The following GMDS variants were observed in gnomAD, a reference collection of about 807,000 sequenced individuals.
The protein encoded by GMDS is GDP-mannose 4,6-dehydratase.
A neutral mutation model predicts 49.9 loss-of-function variants in GMDS; 20 were observed. The ratio of observed to expected loss-of-function variants is 0.40; its 90% CI spans 0.28 to 0.58. The LOEUF is 0.58. Ranked by LOEUF, GMDS falls within the 20% of genes least tolerant of loss-of-function variation. The pLI is 0.42. For missense variants in GMDS, 362 were observed against 481.4 expected, an observed-to-expected ratio of 0.75 and a Z score of 2.32; for synonymous variants, 177 against 178.6, an observed-to-expected ratio of 0.99 and a Z score of 0.07.
At chr6:2,125,640 A>C (rs1562078697) in intron 1 of GMDS, among the ~76,000 whole-genome samples, 1 of 152,032 alleles carries the variant, frequency 6.6e-6, no homozygotes. Flanking sequence ...ATAAGATGGG[A>C]ACTAGGTGGG....
intron 7 of GMDS, among the ~76,000 whole-genome samples, chr6:1,786,676 C>A (rs368504818): frequency 6.6e-6 from 1 of 152,164 alleles, no homozygotes; most frequent in Non-Finnish European, 1.5e-5. Flanking sequence ...AAGCTCGAAG[C>A]AATGCTGCCC....
intron 7 of GMDS, among the ~76,000 whole-genome samples, chr6:1,842,553 G>C (rs1440245818): frequency 1.3e-5 from 2 of 152,228 alleles, no homozygotes; most frequent in African/African-American, 2.4e-5. Context: ...CCAGTCTGGG[G>C]ATGATGTCAA....
At chr6:1,900,784 C>T (rs576810647) in intron 7 of GMDS, among the ~76,000 whole-genome samples, 2 of 152,316 alleles carry the variant, frequency 1.3e-5, no homozygotes, top group East Asian at 3.9e-4. Context: ...GTCTTCATTT[C>T]CACATCTAAT....
intron 4 of GMDS, among the ~76,000 whole-genome samples, chr6:2,061,576 G>A (rs1316021308): frequency 7.2e-5 from 11 of 151,786 alleles, no homozygotes; most frequent in Admixed American, 2.0e-4. Context: ...AAAACTAGCC[G>A]GGCATGGTGG....
intron 6 of GMDS, among the ~76,000 whole-genome samples, chr6:1,941,389 G>T (rs1256715964): frequency 6.6e-6 from 1 of 152,214 alleles, no homozygotes; most frequent in East Asian, 1.9e-4. Context: ...GCCAGATGAG[G>T]AGGAAGCAGT....
At chr6:1,652,563 TTA>T (rs1763714293) in intron 9 of GMDS, among the ~76,000 whole-genome samples, 1 of 16,628 alleles carries the variant, frequency 6.0e-5, no homozygotes. Flanking sequence ...ATTATATATA[TTA>T]TATATAATAT....
intron 4 of GMDS, among the ~76,000 whole-genome samples, chr6:2,088,768 A>G (rs1773153415): frequency 2.0e-5 from 3 of 152,138 alleles, no homozygotes; most frequent in African/African-American, 4.8e-5. Flanking sequence ...CTTTCCCTAT[A>G]TCCCACCACC....
At chr6:1,734,196 T>C (rs764322958) in intron 8 of GMDS, among the ~76,000 whole-genome samples, 24 of 152,190 alleles carry the variant, frequency 1.6e-4, no homozygotes, top group African/African-American at 5.3e-4. Context: ...ATCTTATTTA[T>C]GATAATTATT....
In GMDS at chr6:1,778,845, GT is replaced by G. The variant is rs200263913; in HGVS notation, c.772-36260del. On this transcript the variant is annotated intron_variant, in intron 7 of 10. Coordinates refer to ENST00000380815, the MANE Select transcript of GMDS (RefSeq NM_001500.4). The surrounding 1 kb of genome is among the most constrained non-coding windows in gnomAD (Gnocchi z 4.6). Reference sequence around the variant, plus strand: ...AGAACTTGGCCCCTTGCATTTTCTTGTTTTTTTTTTCTCTTATAGCAGAAAT... The same window carrying G: ...AGAACTTGGCCCCTTGCATTTTCTTGTTTTTTTTTCTCTTATAGCAGAAAT... 1.3e-3 allele frequency among the ~76,000 whole-genome samples: 198 copies of G among 149,300 alleles called. 1 individual carries two copies. The East Asian group carries it at 0.014, about 11-fold the overall frequency.
intron 1 of GMDS, among the ~76,000 whole-genome samples, chr6:2,149,402 G>A (rs1776734488): frequency 6.6e-6 from 1 of 152,052 alleles, no homozygotes; most frequent in African/African-American, 2.4e-5. Context: ...GAAATCCTGG[G>A]TGGACAATTT....
At chr6:2,063,570 T>C (rs763441486) in intron 4 of GMDS, among the ~76,000 whole-genome samples, 2 of 152,240 alleles carry the variant, frequency 1.3e-5, no homozygotes, top group Admixed American at 6.5e-5. Context: ...AATGTTAATA[T>C]GTAAAATGTT....
At chr6:1,673,719 G>A (rs1296946350) in intron 9 of GMDS, among the ~76,000 whole-genome samples, 2 of 151,974 alleles carry the variant, frequency 1.3e-5, no homozygotes, top group Non-Finnish European at 2.9e-5. Flanking sequence ...TGGACCCTGG[G>A]CAAACACTGA....
chr6:2,231,409 C>T (rs928469650), intron 1 of GMDS, among the ~76,000 whole-genome samples: 2 of 151,906 alleles, frequency 1.3e-5, no homozygotes, highest in Non-Finnish European at 2.9e-5. Context: ...AAGAAAAATA[C>T]AAAAAGTAGC....
chr6:2,171,965 C>T (rs1354961587), intron 1 of GMDS, among the ~76,000 whole-genome samples: 1 of 152,042 alleles, frequency 6.6e-6, no homozygotes, highest in Non-Finnish European at 1.5e-5. Context: ...CTCACGTGGC[C>T]GGCTAATCTG....
intron 1 of GMDS, among the ~76,000 whole-genome samples, chr6:2,220,521 G>A (rs1480234622): frequency 1.3e-5 from 2 of 152,182 alleles, no homozygotes; most frequent in Non-Finnish European, 2.9e-5. Context: ...CAAGAAGGAT[G>A]GGGATGCCAG....
intron 4 of GMDS, among the ~76,000 whole-genome samples, 160 bp downstream of exon 4, chr6:2,115,611 A>C (rs536397828): frequency 1.1e-4 from 17 of 152,250 alleles, no homozygotes; most frequent in Non-Finnish European, 1.8e-4. Flanking sequence ...TAAAAAATCT[A>C]TGAGTACTTC....
chr6:2,065,046 G>C lies in GMDS; in HGVS notation c.345+50725C>G, dbSNP rs547972067. ...CTGTCTGACAGCTTTGAAGAGAGCA[G>C]TGGTTCTCCCAGCATGCAGCTGGAG... On this transcript the variant is annotated intron_variant, in intron 4 of 10. Transcript: ENST00000380815. Among the ~76,000 whole-genome samples the C allele has an allele frequency of 1.5e-4, 23 of 152,242 alleles. No individual in the cohort carries two copies. In the South Asian group the frequency reaches 3.3e-3, roughly 22 times the overall value.
chr6:2,049,981 G>C (rs1046755504), intron 4 of GMDS, among the ~76,000 whole-genome samples: 2 of 152,036 alleles, frequency 1.3e-5, no homozygotes, highest in African/African-American at 4.8e-5. Context: ...AGAGAAGCAA[G>C]AGCAAACAAA....
rs114185909 is a variant in GMDS, at chr6:2,083,355, A to G, written c.345+32416T>C. ...TCTAATCCAGCTACCCAACCATAGT[A>G]TTACCATTATTAAGTAATCTGCAAC... On this transcript the variant is annotated intron_variant, in intron 4 of 10. Transcript: ENST00000380815. Among the ~76,000 whole-genome samples the G allele has an allele frequency of 5.8e-3, 886 of 152,310 alleles. 7 individuals carry two copies. Among genetic ancestry groups the G allele is most frequent in the African/African-American group, 0.02 (831 of 41,560 alleles).
Sources: gnomAD v4.1 joint callset for allele counts (sites outside exome capture counted in the v4.1 genomes callset) on GRCh38, gnomAD v4.1.1 for gene constraint, Gnocchi (gnomAD v3.1) non-coding constraint, MANE v1.5 for transcripts, NCBI Gene and HGNC (gene_info 2026-07-23, HGNC 2026-07-21) for gene names.